The following BBOX1 variants were observed in gnomAD, a reference collection of about 807,000 sequenced individuals.
The protein encoded by BBOX1 is gamma-butyrobetaine hydroxylase 1, also known as gamma-butyrobetaine dioxygenase.
BBOX1 carries 35 observed loss-of-function variants against 41.6 expected under a neutral mutation model. That is an observed-to-expected ratio of 0.84 (90% CI 0.64 to 1.11). BBOX1 has a LOEUF of 1.11. BBOX1 is among the 50% of genes most tolerant of loss of function. BBOX1 has a pLI of 0.00. For synonymous variants in BBOX1, 163 were observed against 154.7 expected (o/e 1.05, Z -0.40); for missense variants, 458 against 460.6 (o/e 0.99, Z 0.05).
chr11:27,070,589 C>A lies in BBOX1; in HGVS notation c.334+13274C>A, dbSNP rs545267191. Among the ~76,000 whole-genome samples the A allele has an allele frequency of 3.9e-5, 6 of 152,030 alleles. No homozygotes were observed. The South Asian group carries it at 1.2e-3, about 32-fold the overall frequency. ...TGATATAAAAATAGCTACTTCTGCT[C>A]GCTTTTGGTTTCTATTTGCATGGAG... On this transcript the variant is annotated intron_variant, in intron 4 of 8. Transcript: ENST00000263182.
intron 5 of BBOX1, 30 bp downstream of exon 5, chr11:27,093,396 A>C (rs759660729): frequency 6.2e-7 from 1 of 1,605,156 alleles, no homozygotes; most frequent in Non-Finnish European, 8.5e-7. Flanking sequence ...GTATTCTGCC[A>C]TCACAGATAA....
At chr11:27,054,699 C>A (rs927160451) in intron 2 of BBOX1, among the ~76,000 whole-genome samples, 1 of 152,060 alleles carries the variant, frequency 6.6e-6, no homozygotes, top group African/African-American at 2.4e-5. Flanking sequence ...ACTGAAGTAA[C>A]AAGGCACACT....
chr11:27,096,218 C>T (rs1480558161), intron 5 of BBOX1, among the ~76,000 whole-genome samples: 1 of 151,960 alleles, frequency 6.6e-6, no homozygotes, highest in Non-Finnish European at 1.5e-5. Context: ...ATTCTTTCTA[C>T]TTTGTTTGTG....
intron 6 of BBOX1, 91 bp from the exon 7 acceptor site, chr11:27,119,553 ATTATT>A (rs1467045207): frequency 1.2e-5 from 9 of 757,310 alleles, no homozygotes; most frequent in East Asian, 4.3e-5. Flanking sequence ...GTGCATGTAT[ATTATT>A]TTATTTTATT....
chr11:27,043,459 C>CAGAAGGTGCAGGTTTGGGGTACAT (rs1564948369), intron 2 of BBOX1, among the ~76,000 whole-genome samples: 1 of 151,304 alleles, frequency 6.6e-6, no homozygotes, highest in Non-Finnish European at 1.5e-5. Flanking sequence ...TTGGGGTACA[C>CAGAAGGTGCAGGTTTGGGGTACAT]GTGCAGAATG....
intron 4 of BBOX1, among the ~76,000 whole-genome samples, chr11:27,084,208 T>C (rs1857952108): frequency 6.6e-6 from 1 of 152,170 alleles, no homozygotes; most frequent in Non-Finnish European, 1.5e-5. Flanking sequence ...ACAGTGTCCC[T>C]ATGAAGTCCA....
chr11:27,071,637 A>G (rs1857454739), intron 4 of BBOX1, among the ~76,000 whole-genome samples: 1 of 152,154 alleles, frequency 6.6e-6, no homozygotes, highest in African/African-American at 2.4e-5. Flanking sequence ...TTTTAGACCA[A>G]TATCCCTGAT....
Position 27,093,158 on chromosome 11 carries a change from C to G in BBOX1, c.335-10C>G. On this transcript the variant is annotated splice_polypyrimidine_tract_variant and intron_variant, in intron 4 of 8. Transcript: ENST00000263182. ...ATCCCATCTGATTTCTTCATTTTAT[C>G]AATTCACAGAATGCCAATACTGGGG... 1.2e-6 allele frequency: 2 copies of G among 1,610,254 alleles called. No individual in the cohort carries two copies.
At chr11:27,082,352 G>T (rs1403934168) in intron 4 of BBOX1, among the ~76,000 whole-genome samples, 1 of 152,074 alleles carries the variant, frequency 6.6e-6, no homozygotes, top group South Asian at 2.1e-4. Context: ...CCACGGGGAG[G>T]TGTGTGGCAC....
At chr11:27,069,512 G>A (rs562848284) in intron 4 of BBOX1, among the ~76,000 whole-genome samples, 12 of 152,026 alleles carry the variant, frequency 7.9e-5, no homozygotes, top group South Asian at 6.2e-4. Context: ...TTTTATCATC[G>A]GTGAACAGTG....
At chr11:27,097,913 T>C (rs1590210092) in intron 5 of BBOX1, among the ~76,000 whole-genome samples, 1 of 152,082 alleles carries the variant, frequency 6.6e-6, no homozygotes, top group South Asian at 2.1e-4. Context: ...CGTGCAGCCC[T>C]TCCTCCCCAT....
intron 2 of BBOX1, among the ~76,000 whole-genome samples, chr11:27,044,286 G>T (rs746071707): frequency 8.0e-4 from 121 of 151,052 alleles, no homozygotes; most frequent in Non-Finnish European, 1.5e-3. Flanking sequence ...TTTTTGATGG[G>T]TTTTTTTTTC....
chr11:27,110,274 T>G (rs1859011155), intron 5 of BBOX1, among the ~76,000 whole-genome samples: 1 of 151,932 alleles, frequency 6.6e-6, no homozygotes, highest in Non-Finnish European at 1.5e-5. Context: ...TACCCCTTAC[T>G]CAGTGGCTAG....
rs1393979340 is a variant in BBOX1 at position 27,115,464 on chromosome 11, A to G, written c.546A>G (p.Gln182=). 13 of 1,609,110 alleles carry G rather than the reference A, an allele frequency of 8.1e-6. No individual in the cohort carries two copies. Among genetic ancestry groups the G allele is most frequent in the Non-Finnish European group, 1.1e-5 (13 of 1,177,416 alleles). ...TTGCATTTTACAGACATACTTGGCA[A>G]GTGCAAGACAAAATCGATGCAAACA... The part of the protein sequence containing the change: ...LYLTFYGHTW[Q]VQDKIDANNV... Residue 182 remains glutamine, a synonymous_variant, in exon 6 of 9, where the codon CAA becomes CAG. Transcript: ENST00000263182.
At chr11:27,075,230 T>C (rs998775243) in intron 4 of BBOX1, among the ~76,000 whole-genome samples, 1 of 152,186 alleles carries the variant, frequency 6.6e-6, no homozygotes, top group Non-Finnish European at 1.5e-5. Context: ...GTGAAGACTC[T>C]GTAAGAGTTT....
chr11:27,100,530 G>C (rs1258911706), intron 5 of BBOX1, among the ~76,000 whole-genome samples: 1 of 152,058 alleles, frequency 6.6e-6, no homozygotes, highest in Non-Finnish European at 1.5e-5. Flanking sequence ...TGCTTGGGTA[G>C]AGGGACAAAA....
chr11:27,085,802 T>G (rs940826247), intron 4 of BBOX1, among the ~76,000 whole-genome samples: 1 of 152,054 alleles, frequency 6.6e-6, no homozygotes, highest in African/African-American at 2.4e-5. Flanking sequence ...GTCAGCCCAG[T>G]TGTGAAGAAT....
At chr11:27,050,951 A>T (rs1851653002) in intron 2 of BBOX1, among the ~76,000 whole-genome samples, 1 of 152,024 alleles carries the variant, frequency 6.6e-6, no homozygotes, top group Non-Finnish European at 1.5e-5. Flanking sequence ...TCATCAGTGA[A>T]TATGATGTTA....
intron 5 of BBOX1, among the ~76,000 whole-genome samples, chr11:27,094,045 A>C (rs1026614159): frequency 9.2e-5 from 14 of 151,984 alleles, no homozygotes; most frequent in African/African-American, 2.4e-4. Flanking sequence ...GCTGAAAATA[A>C]AGTTGGGCCC....
Sources: allele counts gnomAD v4.1 joint callset (sites outside exome capture counted in the v4.1 genomes callset), GRCh38; gene constraint gnomAD v4.1.1; transcripts MANE v1.5; gene names NCBI Gene and HGNC (gene_info 2026-07-23, HGNC 2026-07-21).